DIO2: variants seen among roughly 807,000 people sequenced by gnomAD.
The protein encoded by DIO2 is iodothyronine deiodinase 2.
A neutral mutation model predicts 21.4 loss-of-function variants in DIO2; 19 were observed. That is an observed-to-expected ratio of 0.89 (90% CI 0.62 to 1.30). The LOEUF (loss-of-function observed/expected upper bound fraction) is 1.30, where lower values mean the gene tolerates loss of function less well. DIO2 is among the 50% of genes most tolerant of loss of function. DIO2 has a pLI of 0.00. For missense variants in DIO2, 302 were observed against 338.1 expected (o/e 0.89, Z 0.84); for synonymous variants, 122 against 132.9 (o/e 0.92, Z 0.57).
In DIO2 at chr14:80,200,369, GATTTTT is replaced by G. The variant is rs1887667211; in HGVS notation, c.*2314_*2319del. 6.6e-6 allele frequency: 1 copy of G among 152,574 alleles called. No homozygotes were observed. The highest frequency in any genetic ancestry group is 6.5e-5 in the Admixed American group (1 of 15,270). 9.5% of individuals were successfully genotyped at this position (152,574 alleles called of 1,614,324 possible). A position where few individuals can be genotyped will look rare whatever the true frequency, so the allele number is the denominator to read the frequency against. The stretch of plus-strand genomic sequence containing the variant: ...CTTTAAAAATATAGCACAACTGGGT[GATTTTT>G]CCATCATCCTTTTCCCCAGTTGACT... On this transcript the variant is annotated 3_prime_UTR_variant, in exon 2 of 2. Transcript: ENST00000438257.
At chr14:80,215,737 C>G (rs2140014000), upstream of DIO2, among the ~76,000 whole-genome samples, 1 of 152,310 alleles carries the variant, frequency 6.6e-6, no homozygotes, top group Middle Eastern at 3.4e-3. Flanking sequence ...ATACATAACG[C>G]CTAAAACAGC....
Position 80,211,252 on chromosome 14 carries a change from T to C in DIO2, c.221A>G (p.Gln74Arg), listed in dbSNP as rs762655591. The stretch of plus-strand genomic sequence containing the variant: ...GAAGCCCTTCTCAGCTCAGCTCACC[T>C]GTTTGTAGGCATCGAGGAGGAAGCT... ...WKSFLLDAYK[Q>R]VKLGEDAPNS... The change falls in exon 1 of 2, where the codon CAG (glutamine) becomes CGG (arginine). Residue 74 changes from glutamine to arginine, a missense_variant and splice_region_variant. By Grantham distance (43) the Gln-to-Arg change is conservative. Coordinates refer to ENST00000438257, the MANE Select transcript of DIO2 (RefSeq NM_013989.5). The C allele has an allele frequency of 3.7e-6, 6 of 1,608,770 alleles. No homozygotes were observed. The highest frequency in any genetic ancestry group is 5.1e-6 in the Non-Finnish European group (6 of 1,179,186).
Position 80,203,263 on chromosome 14 carries a change from T to C in DIO2, c.248A>G (p.Asn83Ser), listed in dbSNP as rs1173876355. The change falls in exon 2 of 2, where the codon AAT (asparagine) becomes AGT (serine). Residue 83 changes from asparagine to serine, a missense_variant. Asn to Ser is a conservative substitution (Grantham distance 46). Coordinates refer to ENST00000438257, the MANE Select transcript of DIO2 (RefSeq NM_013989.5). ...ACTGGAGACATGCACCACACTGGAA[T>C]TGGGGGCATCCTCACCCAATTTCAC... is the stretch of plus-strand genomic sequence containing the variant. Reference protein sequence around the residue: ...KQVKLGEDAPNSSVVHVSSTE... With the variant: ...KQVKLGEDAPSSSVVHVSSTE... The C allele has an allele frequency of 6.3e-7, 1 of 1,589,868 alleles. No individual in the cohort carries two copies. The highest frequency in any genetic ancestry group is 1.4e-5 in the African/African-American group (1 of 72,326).
At position 80,202,910 on chromosome 14, in the gene DIO2, G is replaced by C; in HGVS notation, c.601C>G (p.Arg201Gly). The change falls in exon 2 of 2, where the codon CGT becomes GGT. Residue 201 changes from arginine to glycine, a missense_variant. Physicochemically the swap from Arg to Gly is moderately radical, Grantham distance 125. Transcript: ENST00000438257. ...CGGCACTGGGGCGGCAAGGAGAAACGCTCCAGAAGCTGCTGGGCTGCTGCA... is the reference window on the plus strand; with the variant it reads ...CGGCACTGGGGCGGCAAGGAGAAACCCTCCAGAAGCTGCTGGGCTGCTGCA... ...RCAAAQQLLE[R>G]FSLPPQCRVV... 1 of 1,613,944 alleles carries C rather than the reference G, an allele frequency of 6.2e-7. No individual in the cohort carries two copies. Among genetic ancestry groups the C allele is most frequent in the Non-Finnish European group, 8.5e-7 (1 of 1,179,882 alleles).
intron 2 of DIO2, among the ~76,000 whole-genome samples, chr14:80,217,173 A>C (rs2140015112): frequency 6.6e-6 from 1 of 152,330 alleles, no homozygotes; most frequent in African/African-American, 2.4e-5. Context: ...GTAGCATGAA[A>C]AATTTCTGTT....
upstream of DIO2, chr14:80,211,697 A>T: frequency 1.2e-5 from 3 of 243,688 alleles, no homozygotes; most frequent in East Asian, 8.7e-5. Flanking sequence ...CAGCAGTTGG[A>T]GTGTGCCCAT....
At chr14:80,222,783 C>G (rs536068521) in intron 2 of DIO2, among the ~76,000 whole-genome samples, 2 of 151,980 alleles carry the variant, frequency 1.3e-5, no homozygotes, top group East Asian at 3.9e-4. Flanking sequence ...CTACAGATTG[C>G]CATTCTACTT....
chr14:80,208,113 C>G (rs1181748476), intron 1 of DIO2, among the ~76,000 whole-genome samples: 1 of 152,224 alleles, frequency 6.6e-6, no homozygotes, highest in Non-Finnish European at 1.5e-5. Flanking sequence ...GGCTCCCAGA[C>G]AGAGCAATTT....
upstream of DIO2, among the ~76,000 whole-genome samples, chr14:80,213,109 C>T (rs571995615): frequency 6.6e-5 from 10 of 152,068 alleles, no homozygotes; most frequent in Non-Finnish European, 1.3e-4. Flanking sequence ...AGTTAAGAGC[C>T]GACTGAATTG....
At chr14:80,230,910 A>T (rs940750388) in intron 2 of DIO2, 1 of 152,324 alleles carries the variant, frequency 6.6e-6, no homozygotes, top group African/African-American at 2.4e-5. Context: ...CATGATCACA[A>T]CGTCCCACAA....
At chr14:80,222,289 C>G (rs1310392213) in intron 2 of DIO2, among the ~76,000 whole-genome samples, 2 of 152,026 alleles carry the variant, frequency 1.3e-5, no homozygotes, top group Non-Finnish European at 2.9e-5. Flanking sequence ...CACCAAAGAG[C>G]TAAACATTGA....
intron 2 of DIO2, among the ~76,000 whole-genome samples, chr14:80,220,965 A>G (rs1888453006): frequency 6.6e-6 from 1 of 152,244 alleles, no homozygotes; most frequent in African/African-American, 2.4e-5. Context: ...TTATTTCCAT[A>G]TTCAGAGTAT....
intron 2 of DIO2, among the ~76,000 whole-genome samples, chr14:80,217,251 G>GA (rs1888379561): frequency 6.6e-6 from 1 of 152,170 alleles, no homozygotes; most frequent in Non-Finnish European, 1.5e-5. Context: ...GGGAGGTTAT[G>GA]AAAATGTTAT....
At chr14:80,224,344 T>TC (rs1484269173) in intron 2 of DIO2, among the ~76,000 whole-genome samples, 3 of 152,108 alleles carry the variant, frequency 2.0e-5, no homozygotes, top group African/African-American at 7.2e-5. Context: ...AATCCTAATC[T>TC]CTGGAACCTG....
intron 2 of DIO2, among the ~76,000 whole-genome samples, chr14:80,230,613 G>A (rs1251533402): frequency 6.6e-6 from 1 of 152,166 alleles, no homozygotes; most frequent in South Asian, 2.1e-4. Flanking sequence ...TACCTCTCAT[G>A]AGCTGTGAAT....
chr14:80,221,506 C>T (rs1888464695), intron 2 of DIO2, among the ~76,000 whole-genome samples: 1 of 152,110 alleles, frequency 6.6e-6, no homozygotes, highest in African/African-American at 2.4e-5. Context: ...TAATGGTATG[C>T]AGTACACATG....
At chr14:80,217,369 A>G (rs756224649) in intron 2 of DIO2, among the ~76,000 whole-genome samples, 3 of 152,230 alleles carry the variant, frequency 2.0e-5, no homozygotes, top group Non-Finnish European at 4.4e-5. Flanking sequence ...ACTACATAAC[A>G]TTACATAAAC....
At chr14:80,218,238 CAAAA>C (rs11345521) in intron 2 of DIO2, among the ~76,000 whole-genome samples, 2 of 146,742 alleles carry the variant, frequency 1.4e-5, no homozygotes, top group African/African-American at 4.9e-5. Context: ...AACAAACAAA[CAAAA>C]AAAAAACAGA....
At chr14:80,214,958 C>G (rs1207735851), upstream of DIO2, among the ~76,000 whole-genome samples, 1 of 152,032 alleles carries the variant, frequency 6.6e-6, no homozygotes, top group Non-Finnish European at 1.5e-5. Flanking sequence ...GAACCAAAAC[C>G]CTTGTTGAAA....
Sources: allele counts gnomAD v4.1 joint callset (sites outside exome capture counted in the v4.1 genomes callset), GRCh38; gene constraint gnomAD v4.1.1; transcripts MANE v1.5; gene names NCBI Gene and HGNC (gene_info 2026-07-23, HGNC 2026-07-21).